PFKM: variants seen among roughly 807,000 people sequenced by gnomAD.
PFKM encodes the protein ATP-dependent 6-phosphofructokinase, muscle type.
A neutral mutation model predicts 95.5 loss-of-function variants in PFKM; 58 were observed. The ratio of observed to expected loss-of-function variants is 0.61; its 90% CI spans 0.49 to 0.76. The LOEUF (loss-of-function observed/expected upper bound fraction) is 0.76. Ranked by LOEUF, PFKM falls within the 30% of genes least tolerant of loss-of-function variation. PFKM has a pLI of 0.00. For missense variants in PFKM, 678 were observed against 1,005.4 expected (o/e 0.67, Z 4.40); for synonymous variants, 336 against 357.2 (o/e 0.94, Z 0.67).
At chr12:48,140,980 T>G in intron 14 of PFKM, 109 bp downstream of exon 14, 1 of 1,153,602 alleles carries the variant, frequency 8.7e-7, no homozygotes, top group Non-Finnish European at 1.3e-6. Context: ...CTCTCTCTCC[T>G]CTCTCAGGGT....
intron 11 of PFKM, among the ~76,000 whole-genome samples, chr12:48,138,168 C>T (rs1950266301): frequency 6.6e-6 from 1 of 152,158 alleles, no homozygotes; most frequent in Non-Finnish European, 1.5e-5. Flanking sequence ...TATATTCCTC[C>T]TAACTTTATT....
rs769844625 is a variant in PFKM at position 48,137,888 on chromosome 12, C to T, written c.1062+42C>T. 3.1e-6 allele frequency: 5 copies of T among 1,612,084 alleles called. No individual in the cohort carries two copies. In the South Asian group the frequency reaches 3.3e-5, roughly 11 times the overall value. ...AACCCCTTTCTTAACACTCTCAAGC[C>T]CCTGCCTTGGAGCTCAAGGGGCATG... On this transcript the variant is annotated intron_variant, in intron 11 of 22. Coordinates refer to ENST00000359794, the MANE Select transcript of PFKM (RefSeq NM_000289.6).
rs2136019435 is a variant in PFKM, at chr12:48,142,799, G to A, written c.1671G>A (p.Lys557=). ...CCTTGCAGACCTGTGACCGCATCAA[G>A]CAGTCAGCAGCTGGCACCAAGCGTC... is the stretch of plus-strand genomic sequence containing the variant. The part of the protein sequence containing the change: ...NTICTTCDRI[K]QSAAGTKRRV... Residue 557 remains lysine (K), a synonymous_variant, in exon 18 of 23, where the codon AAG becomes AAA. Coordinates refer to ENST00000359794, the MANE Select transcript of PFKM (RefSeq NM_000289.6). 2 of 1,614,138 alleles carry A rather than the reference G, an allele frequency of 1.2e-6. No individual in the cohort carries two copies. The highest frequency in any genetic ancestry group is 8.5e-7 in the Non-Finnish European group (1 of 1,180,000).
intron 1 of PFKM, chr12:48,106,417 A>T: frequency 2.3e-6 from 1 of 439,572 alleles, no homozygotes; most frequent in East Asian, 4.6e-5. Flanking sequence ...TCCAGTTTCC[A>T]TGGCAGCTTT....
chr12:48,110,639 G>A (rs1351831566), intron 3 of PFKM, among the ~76,000 whole-genome samples: 1 of 152,154 alleles, frequency 6.6e-6, no homozygotes, highest in Non-Finnish European at 1.5e-5. Flanking sequence ...GAAATTCACA[G>A]GGACTCCCTC....
upstream of PFKM, chr12:48,119,205 G>A (rs1947934158): frequency 9.4e-6 from 8 of 853,116 alleles, no homozygotes; most frequent in South Asian, 4.2e-4. Context: ...TTAGGGGGAG[G>A]AGGAAGAGGA....
In PFKM at chr12:48,145,091, A is replaced by G. The variant is rs555575015; in HGVS notation, c.2053A>G (p.Asn685Asp). The change falls in exon 21 of 23, where the codon AAC becomes GAC. Residue 685 changes from asparagine to aspartate, a missense_variant. By Grantham distance (23) the Asn-to-Asp change is conservative (BLOSUM62 1). Coordinates refer to ENST00000359794, the MANE Select transcript of PFKM (RefSeq NM_000289.6). This position sits in a 1 kb window ranked among gnomAD's most constrained non-coding sequence, Gnocchi z 4.3. ...FATKMGAKAM[N>D]WMSGKIKESY... Reference sequence around the variant, plus strand: ...CACTAAGATGGGCGCCAAGGCTATGAACTGGATGTCTGGGAAAATCAAAGA... The same window carrying G: ...CACTAAGATGGGCGCCAAGGCTATGGACTGGATGTCTGGGAAAATCAAAGA... 18 of 1,614,154 alleles carry G rather than the reference A, an allele frequency of 1.1e-5. No homozygotes were observed. The African/African-American group carries it at 2.4e-4, about 22-fold the overall frequency.
intron 15 of PFKM, 69 bp from the exon 16 acceptor site, chr12:48,141,671 C>T (rs1950585496): frequency 7.7e-6 from 9 of 1,171,968 alleles, no homozygotes; most frequent in African/African-American, 6.0e-5. Context: ...CTTTTCTCCC[C>T]CTCAATTTTC....
chr12:48,114,671 G>A (rs529712052), upstream of PFKM, among the ~76,000 whole-genome samples: 20 of 149,608 alleles, frequency 1.3e-4, no homozygotes, highest in Non-Finnish European at 2.8e-4. Context: ...AAAGAAGGAG[G>A]ATTTGGGACG....
chr12:48,133,204 TG>T, intron 5 of PFKM, 110 bp from the exon 6 acceptor site: 1 of 1,276,250 alleles, frequency 7.8e-7, no homozygotes, highest in Non-Finnish European at 1.1e-6. Flanking sequence ...CTCCTTTTTC[TG>T]GTATTGTCTA....
rs1275904990 is a variant in PFKM, at chr12:48,107,432, TAGTC to T, written c.62_65del (p.Val21GlyfsTer27). 1.9e-6 allele frequency: 3 copies of T among 1,597,506 alleles called. No homozygotes were observed. Among genetic ancestry groups the T allele is most frequent in the African/African-American group, 1.3e-5 (1 of 74,872 alleles). On this transcript the variant is annotated frameshift_variant, in exon 2 of 25. Coordinates refer to the PFKM transcript ENST00000340802. LOFTEE classifies it high-confidence loss of function. ...ATGTGTGTGATTCAGTCTCGCCAGTTAGTCAGGACTCCTCAGAGAACAGGTACCC... is the reference window on the plus strand; with the variant it reads ...ATGTGTGTGATTCAGTCTCGCCAGTTAGGACTCCTCAGAGAACAGGTACCC...
At chr12:48,141,474 C>CAGACAACAGGG in intron 15 of PFKM, 93 bp downstream of exon 15, 6 of 1,120,572 alleles carry the variant, frequency 5.4e-6, no homozygotes, top group Non-Finnish European at 8.2e-6. Flanking sequence ...TTCAACCACC[C>CAGACAACAGGG]TGTTGTCTGG....
At position 48,130,377 on chromosome 12, in the gene PFKM, G is replaced by A; in HGVS notation, c.100G>A (p.Val34Ile). 2 of 1,613,922 alleles carry A rather than the reference G, an allele frequency of 1.2e-6. No homozygotes were observed. The highest frequency in any genetic ancestry group is 2.7e-5 in the African/African-American group (2 of 75,052). ...CCTCCTTTCAGGTATGAATGCTGCT[G>A]TCAGGGCTGTGGTTCGAGTTGGTAT... Reference protein sequence around the residue: ...GGDAQGMNAAVRAVVRVGIFT... With the variant: ...GGDAQGMNAAIRAVVRVGIFT... Residue 34 changes from valine (V) to isoleucine (I), a missense_variant, in exon 3 of 23, where the codon GTC becomes ATC. By Grantham distance (29) the Val-to-Ile change is conservative. Transcript: ENST00000359794.
chr12:48,117,359 A>G (rs766078611), upstream of PFKM, among the ~76,000 whole-genome samples: 2 of 152,226 alleles, frequency 1.3e-5, no homozygotes, highest in African/African-American at 2.4e-5. Flanking sequence ...TAGGAGTGCT[A>G]TTGCTGGATC....
rs764638595 is a variant in PFKM at position 48,134,845 on chromosome 12, TTTGCCC to T, written c.747+19_747+24del. 6 of 1,607,902 alleles carry T rather than the reference TTTGCCC, an allele frequency of 3.7e-6. No individual in the cohort carries two copies. In the East Asian group the frequency reaches 1.1e-4, roughly 30 times the overall value. On this transcript the variant is annotated intron_variant, in intron 8 of 22. Coordinates refer to ENST00000359794, the MANE Select transcript of PFKM (RefSeq NM_000289.6). ...ACTCAGCGAGGTACTTGCACTTTAT[TTTGCCC>T]TTAAGAAATCCCTCACCCTGTTCCA... is the stretch of plus-strand genomic sequence containing the variant.
intron 17 of PFKM, 89 bp from the exon 18 acceptor site, chr12:48,142,693 C>T (rs916158884): frequency 2.3e-5 from 29 of 1,248,914 alleles, no homozygotes; most frequent in Non-Finnish European, 3.2e-5. Context: ...GAATATAGTT[C>T]CAGGGTTTAA....
At chr12:48,130,133 G>A (rs1483830478) in intron 2 of PFKM, among the ~76,000 whole-genome samples, 1 of 152,190 alleles carries the variant, frequency 6.6e-6, no homozygotes, top group African/African-American at 2.4e-5. Context: ...GGATTTTGGG[G>A]GGGCTTGAGG....
chr12:48,106,097 G>C, exon 1 of PFKM: 1 of 702,668 alleles, frequency 1.4e-6, no homozygotes, highest in East Asian at 2.7e-5. Flanking sequence ...GGGAACCGCC[G>C]CGAACCGGAA....
At chr12:48,105,804 G>A, upstream of PFKM, 1 of 591,686 alleles carries the variant, frequency 1.7e-6, no homozygotes, top group Non-Finnish European at 3.0e-6. Flanking sequence ...AGAAGGAACG[G>A]CCTCAGGTAG....
Sources: allele counts gnomAD v4.1 joint callset (sites outside exome capture counted in the v4.1 genomes callset), GRCh38; gene constraint gnomAD v4.1.1; non-coding constraint Gnocchi (gnomAD v3.1); transcripts MANE v1.5; gene names NCBI Gene and HGNC (gene_info 2026-07-23, HGNC 2026-07-21).